The following COX7A2L variants were observed in gnomAD, a reference collection of about 807,000 sequenced individuals.
The protein encoded by COX7A2L is cytochrome c oxidase subunit 7A2-like, mitochondrial.
Under a neutral mutation model 14.2 loss-of-function variants are expected in COX7A2L, and 18 were observed. That is an observed-to-expected ratio of 1.27 (90% CI 0.88 to 1.88). COX7A2L has a LOEUF of 1.88. COX7A2L is among the 40% of genes most tolerant of loss of function. The pLI, the probability that COX7A2L is intolerant of heterozygous loss-of-function variation, is 0.00. For synonymous variants in COX7A2L, 65 were observed against 57.4 expected, an observed-to-expected ratio of 1.13 and a Z score of -0.60; for missense variants, 179 against 138.8, an observed-to-expected ratio of 1.29 and a Z score of -1.46.
upstream of COX7A2L, among the ~76,000 whole-genome samples, chr2:42,362,161 C>A (rs1671072990): frequency 6.6e-6 from 1 of 152,126 alleles, no homozygotes; most frequent in Non-Finnish European, 1.5e-5. Context: ...GGACCTTGAG[C>A]CTGAAAGATC....
chr2:42,368,327 CT>C (rs775818583), intron 1 of COX7A2L, among the ~76,000 whole-genome samples: 8 of 152,210 alleles, frequency 5.3e-5, no homozygotes, highest in Non-Finnish European at 1.0e-4. Flanking sequence ...ACAAAAATCT[CT>C]GTGAATTTAA....
Position 42,351,157 on chromosome 2 carries a change from CA to C in COX7A2L, c.*61del, listed in dbSNP as rs1385208317. On this transcript the variant is annotated 3_prime_UTR_variant, in exon 3 of 3. Transcript: ENST00000234301. The stretch of plus-strand genomic sequence containing the variant: ...AGTAAAAAAAAAAATTTTAATTTAA[CA>C]ATGAAAAAGGAACTTCAAAGGGTTT... The C allele has an allele frequency of 6.8e-6, 10 of 1,479,296 alleles. No homozygotes were observed. The African/African-American group carries it at 1.4e-4, about 21-fold the overall frequency. 91.6% of individuals were successfully genotyped at this position (1,479,296 alleles called of 1,614,324 possible).
intron 2 of COX7A2L, among the ~76,000 whole-genome samples, chr2:42,336,041 T>C (rs536359041): frequency 1.4e-4 from 21 of 152,346 alleles, no homozygotes; most frequent in South Asian, 6.2e-4. Flanking sequence ...TTTAAACCTA[T>C]TGGTGTGAAG....
At chr2:42,347,205 G>C (rs60629719), downstream of COX7A2L, among the ~76,000 whole-genome samples, 8 of 151,772 alleles carry the variant, frequency 5.3e-5, no homozygotes, top group Admixed American at 4.6e-4. Context: ...TTATCACTTA[G>C]AGGACTGGCA....
At chr2:42,345,419 C>G (rs1670476301), downstream of COX7A2L, among the ~76,000 whole-genome samples, 2 of 152,042 alleles carry the variant, frequency 1.3e-5, no homozygotes, top group Non-Finnish European at 2.9e-5. Context: ...TTTTAATGAT[C>G]AAGTGACAAC....
At chr2:42,337,097 T>C (rs1123701) in intron 2 of COX7A2L, among the ~76,000 whole-genome samples, 73,582 of 152,056 alleles carry the variant, frequency 0.48, 18,334 homozygotes, top group East Asian at 0.74. Context: ...ACAAAGTAAA[T>C]GTACAAAGTA....
intron 2 of COX7A2L, among the ~76,000 whole-genome samples, chr2:42,335,596 A>C (rs1294293940): frequency 1.3e-5 from 2 of 152,224 alleles, no homozygotes; most frequent in East Asian, 3.9e-4. Flanking sequence ...ATCTTTTCAA[A>C]ATACTAAATT....
rs576754196 is a variant in COX7A2L, at chr2:42,351,311, T to C, written c.253A>G (p.Met85Val). Residue 85 changes from methionine to valine, a missense_variant, in exon 3 of 3, where the codon ATG becomes GTG. Met to Val is a conservative substitution (Grantham distance 21, BLOSUM62 1). Transcript: ENST00000234301. The part of the protein sequence containing the change: ...VYLKRGLPDQ[M>V]LYRTTMALTV... ...AGCGCCATGGTGGTCCGGTAAAGCA[T>C]TTGGTCAGGCAGGCCTCGTTTCAGG... 1.2e-6 allele frequency: 2 copies of C among 1,614,144 alleles called. No homozygotes were observed. Among genetic ancestry groups the C allele is most frequent in the African/African-American group, 2.7e-5 (2 of 75,026 alleles).
chr2:42,348,658 C>A (rs1200900467), downstream of COX7A2L, among the ~76,000 whole-genome samples: 1 of 152,106 alleles, frequency 6.6e-6, no homozygotes, highest in Non-Finnish European at 1.5e-5. Flanking sequence ...GTGACTCACG[C>A]CTGTAATCCC....
chr2:42,368,705 A>G (rs1671214604), intron 1 of COX7A2L, among the ~76,000 whole-genome samples: 1 of 152,244 alleles, frequency 6.6e-6, no homozygotes, highest in African/African-American at 2.4e-5. Flanking sequence ...GGACACAGTA[A>G]GCACTCATTA....
chr2:42,344,768 G>A (rs577300239), downstream of COX7A2L, among the ~76,000 whole-genome samples: 7 of 151,804 alleles, frequency 4.6e-5, no homozygotes, highest in East Asian at 5.9e-4. Context: ...GGAGAATGGC[G>A]TGAACCCAGG....
intron 2 of COX7A2L, 166 bp downstream of exon 2, chr2:42,353,046 T>C: frequency 1.3e-6 from 1 of 772,958 alleles, no homozygotes; most frequent in Non-Finnish European, 2.0e-6. Flanking sequence ...AGTATCTACC[T>C]ATATAAAGTT....
chr2:42,336,002 C>T (rs2103868897), intron 2 of COX7A2L, among the ~76,000 whole-genome samples: 1 of 152,328 alleles, frequency 6.6e-6, no homozygotes, highest in East Asian at 1.9e-4. Context: ...TGACCATGGG[C>T]ACAGAAGTCC....
chr2:42,343,067 C>A (rs917117148), intron 2 of COX7A2L, among the ~76,000 whole-genome samples: 1 of 152,194 alleles, frequency 6.6e-6, no homozygotes, highest in Non-Finnish European at 1.5e-5. Context: ...CTCTCGTTCA[C>A]GTCATGAGAG....
chr2:42,351,760 G>A (rs1670654128), intron 2 of COX7A2L, among the ~76,000 whole-genome samples: 1 of 152,192 alleles, frequency 6.6e-6, no homozygotes. Context: ...GATGGCTTGA[G>A]CCCAGGAGTT....
At chr2:42,363,741 C>A (rs1044073243), upstream of COX7A2L, among the ~76,000 whole-genome samples, 10 of 152,338 alleles carry the variant, frequency 6.6e-5, no homozygotes, top group African/African-American at 2.4e-4. Flanking sequence ...ACATCAAAGA[C>A]AATCTTTTTT....
upstream of COX7A2L, among the ~76,000 whole-genome samples, chr2:42,365,089 T>C (rs1376636452): frequency 6.6e-6 from 1 of 152,196 alleles, no homozygotes; most frequent in Non-Finnish European, 1.5e-5. Context: ...TAATTATGCA[T>C]AGAAAAAAGT....
rs1185520135 is a variant in COX7A2L at position 42,342,006 on chromosome 2, A to G, written c.193-8137T>C. Among the ~76,000 whole-genome samples the G allele has an allele frequency of 1.3e-5, 2 of 152,168 alleles. No homozygotes were observed. Among genetic ancestry groups the G allele is most frequent in the Non-Finnish European group, 2.9e-5 (2 of 68,030 alleles). On this transcript the variant is annotated intron_variant, in intron 2 of 2. Transcript: ENST00000468711. This position sits in a 1 kb window ranked among gnomAD's most constrained non-coding sequence, Gnocchi z 4.9. Reference sequence around the variant, plus strand: ...CATAACATGGAGGCTTTGTGGCCTAAGCAGGGGGCAGGTGGGAGGGGAAGA... The same window carrying G: ...CATAACATGGAGGCTTTGTGGCCTAGGCAGGGGGCAGGTGGGAGGGGAAGA...
intron 2 of COX7A2L, among the ~76,000 whole-genome samples, chr2:42,336,225 T>C (rs2103869182): frequency 6.6e-6 from 1 of 152,324 alleles, no homozygotes; most frequent in South Asian, 2.1e-4. Flanking sequence ...AGCCATAGAA[T>C]TTTGATCTTC....
Sources: gnomAD v4.1 joint callset for allele counts (sites outside exome capture counted in the v4.1 genomes callset) on GRCh38, gnomAD v4.1.1 for gene constraint, Gnocchi (gnomAD v3.1) non-coding constraint, MANE v1.5 for transcripts, NCBI Gene and HGNC (gene_info 2026-07-23, HGNC 2026-07-21) for gene names.